GPD2: variants seen among roughly 807,000 people sequenced by gnomAD.
GPD2 encodes glycerol-3-phosphate dehydrogenase, mitochondrial.
A neutral mutation model predicts 82.4 loss-of-function variants in GPD2; 54 were observed. That is an observed-to-expected ratio of 0.66 (90% CI 0.53 to 0.82). GPD2 has a LOEUF of 0.82. Ranked by LOEUF, GPD2 falls within the 40% of genes least tolerant of loss-of-function variation. The probability of loss-of-function intolerance (pLI) is 0.00; values close to 1 mark genes in which losing one functional copy is unlikely to be tolerated. For synonymous variants in GPD2, 288 were observed against 306.1 expected (o/e 0.94, Z 0.62); for missense variants, 748 against 896.2 (o/e 0.83, Z 2.11).
rs690998 is a variant in GPD2 at position 156,460,574 on chromosome 2, G to T, written c.-8-15524G>T. On this transcript the variant is annotated intron_variant, in intron 1 of 16. Transcript: ENST00000438166. ...AGTTGGTGGGAAATGTTCTGGGTGCGTCAGCCTTTAGAGATGTGACCTAGG... is the reference window on the plus strand; with the variant it reads ...AGTTGGTGGGAAATGTTCTGGGTGCTTCAGCCTTTAGAGATGTGACCTAGG... Among the ~76,000 whole-genome samples the T allele has an allele frequency of 3.3e-5, 5 of 152,044 alleles. No individual in the cohort carries two copies. The East Asian group carries it at 9.6e-4, about 29-fold the overall frequency.
At chr2:156,498,429 T>C (rs1558929241) in intron 3 of GPD2, among the ~76,000 whole-genome samples, 2 of 152,322 alleles carry the variant, frequency 1.3e-5, no homozygotes, top group African/African-American at 2.4e-5. Context: ...CTGTTTGGCA[T>C]AGGTAACATT....
chr2:156,435,029 T>G (rs575096500), upstream of GPD2, among the ~76,000 whole-genome samples: 27 of 152,198 alleles, frequency 1.8e-4, no homozygotes, highest in Non-Finnish European at 3.5e-4. Flanking sequence ...AATTTTAATG[T>G]GTCCAAGGGT....
At chr2:156,546,967 A>T (rs1686565455) in intron 6 of GPD2, among the ~76,000 whole-genome samples, 1 of 152,218 alleles carries the variant, frequency 6.6e-6, no homozygotes, top group South Asian at 2.1e-4. Context: ...CAGTAATTGG[A>T]AACGTATTCT....
chr2:156,457,086 CAT>C (rs1311754174), intron 1 of GPD2, among the ~76,000 whole-genome samples: 1 of 152,174 alleles, frequency 6.6e-6, no homozygotes, highest in Non-Finnish European at 1.5e-5. Flanking sequence ...AAAATTGACT[CAT>C]AGACTGTTTC....
At chr2:156,405,186 A>C in the GPD2 span, among the ~76,000 whole-genome samples, 1 of 152,258 alleles carries the variant, frequency 6.6e-6, no homozygotes, top group Non-Finnish European at 1.5e-5. Context: ...AAATTACTCT[A>C]GGAATCTACC....
chr2:156,481,614 G>A (rs1683734759), intron 2 of GPD2, among the ~76,000 whole-genome samples: 1 of 150,944 alleles, frequency 6.6e-6, no homozygotes, highest in Non-Finnish European at 1.5e-5. Context: ...AGGCTCATCT[G>A]TGTTGTTGCA....
upstream of GPD2, among the ~76,000 whole-genome samples, chr2:156,433,002 G>A (rs531078585): frequency 2.8e-4 from 43 of 152,146 alleles, no homozygotes; most frequent in African/African-American, 9.9e-4. Context: ...GAGGAATCAC[G>A]TCCAGTGCTC....
At chr2:156,485,144 C>A (rs185947566) in intron 2 of GPD2, among the ~76,000 whole-genome samples, 1 of 152,324 alleles carries the variant, frequency 6.6e-6, no homozygotes, top group East Asian at 1.9e-4. Context: ...GTTTATACTA[C>A]ATTTCTTTAT....
chr2:156,422,214 G>A, the GPD2 span, among the ~76,000 whole-genome samples: 2 of 152,146 alleles, frequency 1.3e-5, no homozygotes, highest in African/African-American at 2.4e-5. Flanking sequence ...TAGTTCATAA[G>A]TGTGATGATT....
At chr2:156,508,957 G>A (rs115386154) in intron 3 of GPD2, among the ~76,000 whole-genome samples, 4 of 152,200 alleles carry the variant, frequency 2.6e-5, no homozygotes, top group Admixed American at 1.3e-4. Flanking sequence ...TTCTTTGAGC[G>A]GGGAGATACC....
chr2:156,412,933 C>T, the GPD2 span, among the ~76,000 whole-genome samples: 1 of 151,886 alleles, frequency 6.6e-6, no homozygotes, highest in Non-Finnish European at 1.5e-5. Flanking sequence ...CCCTTCTCTA[C>T]AAAAAATACA....
intron 3 of GPD2, among the ~76,000 whole-genome samples, chr2:156,504,729 T>A (rs1292381681): frequency 6.6e-6 from 1 of 152,022 alleles, no homozygotes; most frequent in East Asian, 1.9e-4. Context: ...TAATAGAATA[T>A]TATCCACATG....
chr2:156,583,067 T>C lies in GPD2; in HGVS notation c.*149T>C, dbSNP rs1688088076. 3.8e-6 allele frequency: 3 copies of C among 797,246 alleles called. No individual in the cohort carries two copies. The South Asian group carries it at 4.4e-5, about 12-fold the overall frequency. The allele number at this position is 797,246 out of a possible 1,614,324, so 49.4% of individuals were successfully genotyped here. Reference sequence around the variant, plus strand: ...ACATTCCAAAACTTTAAGGTGTTGGTGTATTTGCCAGCTTTATTTGCTGTA... The same window carrying C: ...ACATTCCAAAACTTTAAGGTGTTGGCGTATTTGCCAGCTTTATTTGCTGTA... On this transcript the variant is annotated 3_prime_UTR_variant, in exon 17 of 17. Coordinates refer to ENST00000438166, the MANE Select transcript of GPD2 (RefSeq NM_000408.5).
chr2:156,582,998 C>CT lies in GPD2; in HGVS notation c.*81dup. On this transcript the variant is annotated 3_prime_UTR_variant, in exon 17 of 17. Transcript: ENST00000438166. ...ACAACCAGAGATGACTGAAACCACT[C>CT]TGAAATAATGAATGTGGATAGCTGC... 6.9e-7 allele frequency: 1 copy of CT among 1,454,022 alleles called. No individual in the cohort carries two copies. The highest frequency in any genetic ancestry group is 9.6e-7 in the Non-Finnish European group (1 of 1,038,132). 90.1% of individuals were successfully genotyped at this position (1,454,022 alleles called of 1,614,324 possible). A position where few individuals can be genotyped will look rare whatever the true frequency, so the allele number is the denominator to read the frequency against.
intron 6 of GPD2, among the ~76,000 whole-genome samples, chr2:156,532,554 A>T (rs1685908885): frequency 6.6e-6 from 1 of 152,180 alleles, no homozygotes; most frequent in Non-Finnish European, 1.5e-5. Flanking sequence ...TTCCCTTTGA[A>T]TTATGGCATT....
chr2:156,504,457 T>G (rs1006479813), intron 3 of GPD2, among the ~76,000 whole-genome samples: 8 of 152,226 alleles, frequency 5.3e-5, no homozygotes, highest in Admixed American at 2.0e-4. Flanking sequence ...GTTCTTATGG[T>G]GCTAACATAC....
chr2:156,433,634 C>A (rs922568147), upstream of GPD2, among the ~76,000 whole-genome samples: 1 of 152,042 alleles, frequency 6.6e-6, no homozygotes. Context: ...ATTACTCTTG[C>A]AATTCCCTTG....
chr2:156,458,936 T>G (rs1052156141), intron 1 of GPD2, among the ~76,000 whole-genome samples: 2 of 152,120 alleles, frequency 1.3e-5, no homozygotes, highest in Non-Finnish European at 2.9e-5. Context: ...TTTAACATTT[T>G]GGGGTATATT....
intron 9 of GPD2, among the ~76,000 whole-genome samples, chr2:156,559,055 G>A (rs549676077): frequency 2.6e-5 from 4 of 151,904 alleles, no homozygotes; most frequent in African/African-American, 7.3e-5. Context: ...TTGAATCTTC[G>A]TGTCTAATTT....
Sources: allele counts gnomAD v4.1 joint callset (sites outside exome capture counted in the v4.1 genomes callset), GRCh38; gene constraint gnomAD v4.1.1; transcripts MANE v1.5; gene names NCBI Gene and HGNC (gene_info 2026-07-23, HGNC 2026-07-21).